RFPL2: variants seen among roughly 807,000 people sequenced by gnomAD.
RFPL2 encodes ret finger protein-like 2.
RFPL2 carries 13 observed loss-of-function variants against 17.8 expected under a neutral mutation model. That is an observed-to-expected ratio of 0.73 (90% CI 0.47 to 1.16). The LOEUF is 1.16. RFPL2 is among the 50% of genes most tolerant of loss of function. RFPL2 has a pLI of 0.00. For synonymous variants in RFPL2, 189 were observed against 180.9 expected, an observed-to-expected ratio of 1.04 and a Z score of -0.36; for missense variants, 431 against 479.3, an observed-to-expected ratio of 0.90 and a Z score of 0.94.
At chr22:32,193,904 A>C (rs1281425012) in intron 3 of RFPL2, among the ~76,000 whole-genome samples, 1 of 149,448 alleles carries the variant, frequency 6.7e-6, no homozygotes, top group Admixed American at 6.7e-5. Flanking sequence ...TGGATGCAGT[A>C]GCTCACATCT....
intron 1 of RFPL2, among the ~76,000 whole-genome samples, chr22:32,204,166 C>G (rs1002093744): frequency 1.3e-5 from 2 of 150,596 alleles, no homozygotes; most frequent in Admixed American, 6.6e-5. Context: ...CCAACACGCT[C>G]CTGGCTGTAG....
chr22:32,191,434 C>G, intron 4 of RFPL2, 82 bp from the exon 5 acceptor site: 19 of 1,481,558 alleles, frequency 1.3e-5, no homozygotes, highest in Non-Finnish European at 1.7e-5. Flanking sequence ...GCCCAAATAT[C>G]TCTTGACTTT....
At position 32,201,039 on chromosome 22, in the gene RFPL2, C is replaced by CTTTTT. The variant is rs136492; in HGVS notation, c.119+1289_119+1293dup. ...AGGGTAATAGGTGTTCCCTTATTTC[C>CTTTTT]TTTTTTTTTTTTTTTTTTGAGACAG... On this transcript the variant is annotated intron_variant, in intron 2 of 4. Coordinates refer to ENST00000652607, the MANE Select transcript of RFPL2 (RefSeq NM_001394555.1). 1.5e-3 allele frequency among the ~76,000 whole-genome samples: 200 copies of CTTTTT among 130,530 alleles called. 4 individuals are homozygous for CTTTTT. Among genetic ancestry groups the CTTTTT allele is most frequent in the Non-Finnish European group, 2.3e-3 (142 of 62,092 alleles). The allele number at this position is 130,530 out of a possible 152,430, so 85.6% of individuals were successfully genotyped here.
chr22:32,191,375 C>T (rs374747809), intron 4 of RFPL2, 23 bp from the exon 5 acceptor site: 2 of 1,594,206 alleles, frequency 1.3e-6, no homozygotes, highest in African/African-American at 2.7e-5. Context: ...AAAAAAGTTG[C>T]TCAGCAAATG....
chr22:32,198,812 G>C (rs530025433), intron 2 of RFPL2, among the ~76,000 whole-genome samples: 1 of 150,896 alleles, frequency 6.6e-6, no homozygotes, highest in Non-Finnish European at 1.5e-5. Flanking sequence ...GCACTAGGCC[G>C]GGTGACCTAC....
intron 2 of RFPL2, among the ~76,000 whole-genome samples, chr22:32,199,584 C>G (rs139102345): frequency 1.3e-5 from 2 of 152,308 alleles, no homozygotes; most frequent in Non-Finnish European, 2.9e-5. Flanking sequence ...ACAGGAGGCT[C>G]ACAGAGCTCA....
chr22:32,197,718 C>T (rs1923496797), intron 2 of RFPL2, among the ~76,000 whole-genome samples: 1 of 152,174 alleles, frequency 6.6e-6, no homozygotes, highest in African/African-American at 2.4e-5. Flanking sequence ...TCATCCATGT[C>T]CCTACAAAGG....
rs200468626 is a variant in RFPL2 at position 32,193,116 on chromosome 22, C to T, written c.342G>A (p.Leu114=). 1,319 of 1,613,958 alleles carry T rather than the reference C, an allele frequency of 8.2e-4. 19 individuals carry two copies. The South Asian group carries it at 0.013, about 16-fold the overall frequency. The change falls in exon 4 of 5, where the codon CTG becomes CTA. Residue 114 remains leucine (L), a synonymous_variant. Transcript: ENST00000652607. ...CSDYLEKPMS[L]ECGCAVCLKC... is the part of the protein sequence containing the mutation. ...TGAGGCAGACGGCGCATCCACACTC[C>T]AGGGACATTGGTTTTTCCAGATAGT...
intron 2 of RFPL2, among the ~76,000 whole-genome samples, chr22:32,201,711 C>G (rs950129816): frequency 2.0e-5 from 3 of 152,204 alleles, no homozygotes; most frequent in Non-Finnish European, 2.9e-5. Flanking sequence ...TCCAGCTGCT[C>G]TCTGAGAGGA....
rs187521172 is a variant in RFPL2 at position 32,203,016 on chromosome 22, G to C, written c.-99-466C>G. 1.2e-4 allele frequency: 119 copies of C among 986,008 alleles called. 1 individual carries two copies. In the East Asian group the frequency reaches 0.012, roughly 101 times the overall value. The allele number at this position is 986,008 out of a possible 1,614,324, so 61.1% of individuals were successfully genotyped here. On this transcript the variant is annotated intron_variant, in intron 1 of 4. Transcript: ENST00000652607. Reference sequence around the variant, plus strand: ...GAAATGCTGTGCGCCCGCCGCACTTGAGCAAGAACAGGAGGAGGTGGCCGG... The same window carrying C: ...GAAATGCTGTGCGCCCGCCGCACTTCAGCAAGAACAGGAGGAGGTGGCCGG...
intron 3 of RFPL2, among the ~76,000 whole-genome samples, chr22:32,193,914 T>A (rs181742476): frequency 1.5e-4 from 22 of 147,754 alleles, no homozygotes; most frequent in African/African-American, 5.0e-4. Context: ...AGCTCACATC[T>A]GTAATCCCAG....
intron 2 of RFPL2, among the ~76,000 whole-genome samples, chr22:32,194,966 C>G (rs1388150091): frequency 1.3e-5 from 2 of 152,060 alleles, no homozygotes; most frequent in Non-Finnish European, 2.9e-5. Context: ...ACCTTGAGTA[C>G]TTCACAGAGT....
rs1185151517 is a variant in RFPL2, at chr22:32,202,385, C to T, written c.67G>A (p.Val23Ile). The change falls in exon 2 of 5, where the codon GTA becomes ATA. Residue 23 changes from valine to isoleucine, a missense_variant. By Grantham distance (29) the Val-to-Ile change is conservative. Transcript: ENST00000652607. ...VSQSRICLCAVLCGHWDFADM... is the reference protein window; with the variant it reads ...VSQSRICLCAILCGHWDFADM... ...GCAAAGTCCCAGTGGCCACACAATA[C>T]AGCACATAGACAGATCCTGGATTGG... is the stretch of plus-strand genomic sequence containing the variant. The T allele has an allele frequency of 1.9e-6, 3 of 1,606,488 alleles. No individual in the cohort carries two copies. The highest frequency in any genetic ancestry group is 1.7e-6 in the Non-Finnish European group (2 of 1,176,674).
intron 2 of RFPL2, among the ~76,000 whole-genome samples, chr22:32,201,455 G>T (rs1209357191): frequency 6.6e-6 from 1 of 152,200 alleles, no homozygotes; most frequent in Non-Finnish European, 1.5e-5. Context: ...CTTAACCAAG[G>T]CCTCAATATT....
In RFPL2 at chr22:32,190,550, T is replaced by C; in HGVS notation, c.*222A>G. ...GATCCCAGAATACAGGACATTTCTA[T>C]AGGAAACAAGATGTGAACCATAGGA... On this transcript the variant is annotated 3_prime_UTR_variant, in exon 5 of 5. Transcript: ENST00000652607. 7.1e-6 allele frequency: 3 copies of C among 419,986 alleles called. No individual in the cohort carries two copies. Among genetic ancestry groups the C allele is most frequent in the Non-Finnish European group, 1.2e-5 (3 of 243,104 alleles). 26.0% of individuals were successfully genotyped at this position (419,986 alleles called of 1,614,324 possible). A position where few individuals can be genotyped will look rare whatever the true frequency, so the allele number is the denominator to read the frequency against.
chr22:32,191,425 C>T (rs1177508728), intron 4 of RFPL2, 73 bp from the exon 5 acceptor site: 1 of 1,498,272 alleles, frequency 6.7e-7, no homozygotes, highest in African/African-American at 1.4e-5. Flanking sequence ...ACTTCAAAGG[C>T]CCAAATATCT....
chr22:32,193,961 C>A (rs1158716218), intron 3 of RFPL2, among the ~76,000 whole-genome samples: 4 of 151,558 alleles, frequency 2.6e-5, no homozygotes, highest in African/African-American at 9.7e-5. Flanking sequence ...TCCCTTGAAC[C>A]GAGGAGTTTG....
chr22:32,194,411 G>A lies in RFPL2; in HGVS notation c.199C>T (p.Pro67Ser), dbSNP rs1474786176. The stretch of plus-strand genomic sequence containing the variant: ...TGGGCGCTCAGGTCTTGTGGGGAAG[G>A]GGCACACGAGGGCCTTTTATTGGTG... Reference protein sequence around the residue: ...NLTNKRPSCAPSPQDLSAQWK... With the variant: ...NLTNKRPSCASSPQDLSAQWK... The change falls in exon 3 of 5, where the codon CCT becomes TCT. Residue 67 changes from proline to serine, a missense_variant. Physicochemically the swap from Pro to Ser is moderately conservative, Grantham distance 74. Transcript: ENST00000652607. 3.7e-6 allele frequency: 6 copies of A among 1,609,856 alleles called. No individual in the cohort carries two copies. Among genetic ancestry groups the A allele is most frequent in the South Asian group, 1.1e-5 (1 of 90,078 alleles).
Position 32,194,356 on chromosome 22 carries a change from G to A in RFPL2, c.254C>T (p.Ser85Phe), listed in dbSNP as rs753989418. 1.9e-6 allele frequency: 3 copies of A among 1,603,072 alleles called. No homozygotes were observed. Among genetic ancestry groups the A allele is most frequent in the South Asian group, 2.2e-5 (2 of 89,020 alleles). Residue 85 changes from serine to phenylalanine, a missense_variant, in exon 3 of 5, where the codon TCC (serine) becomes TTC (phenylalanine). Transcript: ENST00000652607. ...AGGCATGGGCTCACCTCTTCTGCTG[G>A]AAGCTCCTCTGTCCTCCAGCTGCTT... is the stretch of plus-strand genomic sequence containing the variant. ...QWKQLEDRGA[S>F]SRRVDMAALF...
Sources: gnomAD v4.1 joint callset for allele counts (sites outside exome capture counted in the v4.1 genomes callset) on GRCh38, gnomAD v4.1.1 for gene constraint, MANE v1.5 for transcripts, NCBI Gene and HGNC (gene_info 2026-07-23, HGNC 2026-07-21) for gene names.